The following CMIP variants were observed in gnomAD, a reference collection of about 807,000 sequenced individuals.
The protein encoded by CMIP is c-Maf inducing protein, also known as C-Maf-inducing protein.
A neutral mutation model predicts 97.3 loss-of-function variants in CMIP; 13 were observed. The observed-to-expected ratio is 0.13, with a 90% CI of 0.09 to 0.21. The LOEUF is 0.21. Among genes scored for constraint, CMIP ranks in the 10% least tolerant of loss-of-function variants. The probability of loss-of-function intolerance (pLI) is 1.00; values close to 1 mark genes in which losing one functional copy is unlikely to be tolerated. For synonymous variants in CMIP, 538 were observed against 436.3 expected, an observed-to-expected ratio of 1.23 and a Z score of -2.91; for missense variants, 847 against 1,024.9, an observed-to-expected ratio of 0.83 and a Z score of 2.37.
At chr16:81,663,564 T>C (rs558603021) in intron 6 of CMIP, among the ~76,000 whole-genome samples, 118 of 152,326 alleles carry the variant, frequency 7.7e-4, no homozygotes, top group Non-Finnish European at 1.3e-3. Context: ...CTCCAGGACA[T>C]TAGACATTTG....
chr16:81,476,264 C>T, intron 1 of CMIP: 3 of 1,550,008 alleles, frequency 1.9e-6, no homozygotes, highest in South Asian at 2.2e-5. Flanking sequence ...ATGAAGTTCT[C>T]ATCTTCAAAT....
intron 7 of CMIP, among the ~76,000 whole-genome samples, chr16:81,669,672 C>G (rs1052501777): frequency 9.1e-6 from 1 of 110,236 alleles, no homozygotes; most frequent in African/African-American, 3.5e-5. Flanking sequence ...CCACCTCACA[C>G]TCACCTCCTT....
intron 1 of CMIP, among the ~76,000 whole-genome samples, chr16:81,602,598 G>A (rs189833551): frequency 6.6e-6 from 1 of 152,142 alleles, no homozygotes. Flanking sequence ...CCGCCCCAGC[G>A]GCTGGCAACC....
chr16:81,633,986 C>A (rs999517340), intron 3 of CMIP, among the ~76,000 whole-genome samples: 1 of 152,224 alleles, frequency 6.6e-6, no homozygotes, highest in African/African-American at 2.4e-5. Context: ...TCCCAGGCCT[C>A]CTGGCACTGC....
intron 1 of CMIP, among the ~76,000 whole-genome samples, chr16:81,506,044 G>A (rs1384079305): frequency 2.0e-5 from 3 of 152,202 alleles, no homozygotes; most frequent in Non-Finnish European, 4.4e-5. Context: ...CGTTCATTGA[G>A]TGCTTATTAC....
At chr16:81,640,582 A>G (rs892261635) in intron 3 of CMIP, among the ~76,000 whole-genome samples, 1 of 152,152 alleles carries the variant, frequency 6.6e-6, no homozygotes, top group Admixed American at 6.5e-5. Flanking sequence ...CTGGGGCCAG[A>G]TGTCCAAAAT....
intron 1 of CMIP, among the ~76,000 whole-genome samples, chr16:81,569,508 C>T (rs1438816428): frequency 6.6e-6 from 1 of 152,242 alleles, no homozygotes; most frequent in African/African-American, 2.4e-5. Context: ...TTCAGTGTTA[C>T]CTTCCAGCTG....
In CMIP at chr16:81,693,260, A is replaced by G. The variant is rs753082607; in HGVS notation, c.1481+76A>G. The G allele has an allele frequency of 9.0e-6, 13 of 1,442,616 alleles. No homozygotes were observed. In the Admixed American group the frequency reaches 2.0e-4, roughly 22 times the overall value. The allele number at this position is 1,442,616 out of a possible 1,614,324, so 89.4% of individuals were successfully genotyped here. A position where few individuals can be genotyped will look rare whatever the true frequency, so the allele number is the denominator to read the frequency against. ...TCCTGAGGTCTTCCCTCCGTGGCCC[A>G]TGCATTCTGGGAGGCAGTGGTGGCT... On this transcript the variant is annotated intron_variant, in intron 12 of 20. Transcript: ENST00000537098.
chr16:81,510,788 C>T (rs965529557), intron 1 of CMIP, among the ~76,000 whole-genome samples: 5 of 152,080 alleles, frequency 3.3e-5, no homozygotes, highest in African/African-American at 1.2e-4. Context: ...GGTGAGATCT[C>T]AGCTCACTGC....
intron 10 of CMIP, among the ~76,000 whole-genome samples, chr16:81,681,726 G>A (rs1052423778): frequency 1.3e-5 from 2 of 152,248 alleles, no homozygotes; most frequent in African/African-American, 4.8e-5. Flanking sequence ...CAGGAAACTT[G>A]CCTCCTAGCA....
In CMIP at chr16:81,604,916, T is replaced by C. The variant is rs373461080; in HGVS notation, c.301-2651T>C. ...TTTATTTTTGTAAGATAGTCATTAA[T>C]TTGTCAGGAAATTAGTAATCACCTC... On this transcript the variant is annotated intron_variant, in intron 1 of 20. Transcript: ENST00000537098. Among the ~76,000 whole-genome samples, 63 of 152,290 alleles carry C rather than the reference T, an allele frequency of 4.1e-4. 1 individual carries two copies. The South Asian group carries it at 0.012, about 30-fold the overall frequency.
At chr16:81,464,060 C>T (rs1458756148) in intron 1 of CMIP, 1 of 152,270 alleles carries the variant, frequency 6.6e-6, no homozygotes, top group African/African-American at 2.4e-5. Context: ...GCAGCCAGCT[C>T]AGGGAAGAAG....
chr16:81,663,881 C>T lies in CMIP; in HGVS notation c.745-388C>T, dbSNP rs532201100. On this transcript the variant is annotated intron_variant, in intron 6 of 20. Transcript: ENST00000537098. Reference sequence around the variant, plus strand: ...GGAAAGGGAAACAAGATTGTGTTGTCCTCTTGGGCCCTGTCTCTCCACCAG... The same window carrying T: ...GGAAAGGGAAACAAGATTGTGTTGTTCTCTTGGGCCCTGTCTCTCCACCAG... Among the ~76,000 whole-genome samples, 7 of 152,160 alleles carry T rather than the reference C, an allele frequency of 4.6e-5. No homozygotes were observed. In the South Asian group the frequency reaches 1.5e-3, roughly 32 times the overall value.
chr16:81,650,089 A>G (rs955167452), intron 3 of CMIP, among the ~76,000 whole-genome samples: 3 of 152,198 alleles, frequency 2.0e-5, no homozygotes, highest in Non-Finnish European at 4.4e-5. Flanking sequence ...CTCATCGTTA[A>G]TGAAGTTCAG....
chr16:81,562,087 G>A (rs2090894289), intron 1 of CMIP, among the ~76,000 whole-genome samples: 1 of 152,208 alleles, frequency 6.6e-6, no homozygotes, highest in African/African-American at 2.4e-5. Context: ...TGCAAGGAAG[G>A]GAAGTGAGGG....
chr16:81,592,283 C>G (rs933879670), intron 1 of CMIP, among the ~76,000 whole-genome samples: 102 of 152,330 alleles, frequency 6.7e-4, no homozygotes, highest in African/African-American at 2.3e-3. Flanking sequence ...TGTGTCCTGT[C>G]TCAGGCCCCT....
rs913404488 is a variant in CMIP at position 81,664,670 on chromosome 16, A to G, written c.825+321A>G. On this transcript the variant is annotated intron_variant, in intron 7 of 20. Transcript: ENST00000537098. The stretch of plus-strand genomic sequence containing the variant: ...CCTGCCCTCAAGGACCCAGAGCGCG[A>G]CTTTGCACTCCTTTAGTGTGTGCTG... The G allele has an allele frequency of 1.2e-4, 68 of 560,640 alleles. 1 individual carries two copies. Among genetic ancestry groups the G allele is most frequent in the Admixed American group, 6.4e-5 (2 of 31,156 alleles). The allele number at this position is 560,640 out of a possible 1,614,324, so 34.7% of individuals were successfully genotyped here. A position where few individuals can be genotyped will look rare whatever the true frequency, so the allele number is the denominator to read the frequency against.
intron 1 of CMIP, among the ~76,000 whole-genome samples, chr16:81,605,765 A>G (rs543134974): frequency 3.2e-4 from 49 of 152,250 alleles, no homozygotes; most frequent in Middle Eastern, 3.4e-3. Flanking sequence ...CCACTCTCCA[A>G]TAGTTTATTT....
At chr16:81,581,331 G>T (rs1434995633) in intron 1 of CMIP, among the ~76,000 whole-genome samples, 1 of 152,172 alleles carries the variant, frequency 6.6e-6, no homozygotes, top group Admixed American at 6.6e-5. Flanking sequence ...CGAACATCCT[G>T]GAGTGTGCTC....
Sources: allele counts gnomAD v4.1 joint callset (sites outside exome capture counted in the v4.1 genomes callset), GRCh38; gene constraint gnomAD v4.1.1; transcripts MANE v1.5; gene names NCBI Gene and HGNC (gene_info 2026-07-23, HGNC 2026-07-21).